REPS2: variants seen among roughly 807,000 people sequenced by gnomAD.
The protein encoded by REPS2 is ralBP1-associated Eps domain-containing protein 2.
REPS2 carries 23 observed loss-of-function variants against 53.6 expected under a neutral mutation model. The ratio of observed to expected loss-of-function variants is 0.43; its 90% CI spans 0.31 to 0.61. The LOEUF is 0.61. Ranked by LOEUF, REPS2 falls within the 20% of genes least tolerant of loss-of-function variation. The pLI is 0.11. For synonymous variants in REPS2, 238 were observed against 218.6 expected (o/e 1.09, Z -0.78); for missense variants, 446 against 534.9 (o/e 0.83, Z 1.64).
chrX:17,037,786 C>G (rs1287477374), intron 5 of REPS2, among the ~76,000 whole-genome samples: 1 of 112,442 alleles, frequency 8.9e-6, no homozygotes, highest in Non-Finnish European at 1.9e-5. Flanking sequence ...GCTTATTCCC[C>G]AGGACCTTTT....
chrX:17,140,740 ATTATTAT>A (rs2063432701), intron 17 of REPS2, among the ~76,000 whole-genome samples: 1 of 29,721 alleles, frequency 3.4e-5, no homozygotes, highest in Non-Finnish European at 8.0e-5. Flanking sequence ...CACAAATATT[ATTATTAT>A]TATTATTATT....
intron 3 of REPS2, 115 bp from the exon 4 acceptor site, chrX:17,024,944 C>T (rs181061027): frequency 6.9e-6 from 7 of 1,019,791 alleles, no homozygotes; most frequent in Non-Finnish European, 9.6e-6. Flanking sequence ...ACATTTCCCC[C>T]CATTTGTTAA....
Position 17,025,060 on chromosome X carries a change from A to G in REPS2, c.548A>G (p.Gln183Arg). Reference protein sequence around the residue: ...FKRMDDEDKQQETQSPTMSPL... With the variant: ...FKRMDDEDKQRETQSPTMSPL... ...GAACTCTGATCTGGTTCTTTGAAGCAGGAAACACAGTCTCCCACGATGTCA... is the reference window on the plus strand; with the variant it reads ...GAACTCTGATCTGGTTCTTTGAAGCGGGAAACACAGTCTCCCACGATGTCA... Residue 183 changes from glutamine to arginine, a missense_variant and splice_region_variant, in exon 4 of 18, where the codon CAG becomes CGG. By Grantham distance (43) the Gln-to-Arg change is conservative. Transcript: ENST00000357277. The G allele has an allele frequency of 8.3e-7, 1 of 1,212,102 alleles. No homozygotes were observed. The highest frequency in any genetic ancestry group is 1.1e-6 in the Non-Finnish European group (1 of 895,547).
chrX:17,020,345 A>G (rs2061556301), intron 2 of REPS2, among the ~76,000 whole-genome samples: 1 of 111,971 alleles, frequency 8.9e-6, no homozygotes, highest in Non-Finnish European at 1.9e-5. Flanking sequence ...TTATGGGTAG[A>G]TCAGGGTGCA....
At chrX:16,972,334 C>T (rs2060904833) in intron 1 of REPS2, among the ~76,000 whole-genome samples, 1 of 112,053 alleles carries the variant, frequency 8.9e-6, no homozygotes. Context: ...TTTAGGAAAA[C>T]CTTGAGCAGT....
intron 5 of REPS2, among the ~76,000 whole-genome samples, chrX:17,036,649 A>G (rs2061768764): frequency 9.0e-6 from 1 of 111,683 alleles, no homozygotes; most frequent in Non-Finnish European, 1.9e-5. Flanking sequence ...TCATGACAGT[A>G]AAGTTGAATT....
Position 17,052,437 on chromosome X carries a change from C to T in REPS2, c.963C>T (p.Ser321=). Residue 321 remains serine, a synonymous_variant, in exon 7 of 18, where the codon TCC becomes TCT. Coordinates refer to ENST00000357277, the MANE Select transcript of REPS2 (RefSeq NM_004726.3). ...TKSKLSIPEL[S]YIWELSDADC... Reference sequence around the variant, plus strand: ...CAAAGCTTTCCATTCCAGAACTCTCCTATATATGGTAAGTACAATTAATGC... The same window carrying T: ...CAAAGCTTTCCATTCCAGAACTCTCTTATATATGGTAAGTACAATTAATGC... 4.2e-6 allele frequency: 5 copies of T among 1,195,553 alleles called. No homozygotes were observed. Among genetic ancestry groups the T allele is most frequent in the Non-Finnish European group, 4.5e-6 (4 of 883,952 alleles).
chrX:17,022,434 C>A, intron 3 of REPS2, 163 bp downstream of exon 3: 1 of 417,148 alleles, frequency 2.4e-6, no homozygotes, highest in Non-Finnish European at 4.0e-6. Context: ...GAAAGAGAGA[C>A]CGACACATAT....
At chrX:16,968,464 C>T (rs1178886748) in intron 1 of REPS2, among the ~76,000 whole-genome samples, 9 of 107,273 alleles carry the variant, frequency 8.4e-5, no homozygotes, top group Non-Finnish European at 1.2e-4. Flanking sequence ...GCTGGCCGGG[C>T]GGGGGGCTGA....
At chrX:17,042,822 G>T (rs1369679486) in intron 5 of REPS2, among the ~76,000 whole-genome samples, 1 of 110,854 alleles carries the variant, frequency 9.0e-6, no homozygotes, top group Non-Finnish European at 1.9e-5. Flanking sequence ...TTGAGACAGG[G>T]TCTTGCTCTA....
the REPS2 span, among the ~76,000 whole-genome samples, chrX:17,177,745 C>G: frequency 8.9e-6 from 1 of 112,281 alleles, no homozygotes; most frequent in Non-Finnish European, 1.9e-5. Flanking sequence ...CGCTTGCTGC[C>G]TTAACCTGCT....
rs771775517 is a variant in REPS2 at position 16,969,262 on chromosome X, G to C, written c.273+22128G>C. Among the ~76,000 whole-genome samples the C allele has an allele frequency of 3.4e-3, 377 of 110,546 alleles. 1 individual carries two copies. Among genetic ancestry groups the C allele is most frequent in the African/African-American group, 0.012 (363 of 30,397 alleles). On this transcript the variant is annotated intron_variant, in intron 1 of 17. Transcript: ENST00000357277. ...CCAGACTGGGCAGCCAGGCAGAGGG[G>C]CTCCTCACATCCCAGACGATGGGTG... is the stretch of plus-strand genomic sequence containing the variant.
At chrX:17,015,386 CT>C (rs1006326903) in intron 2 of REPS2, among the ~76,000 whole-genome samples, 20 of 110,244 alleles carry the variant, frequency 1.8e-4, no homozygotes, top group African/African-American at 2.3e-4. Flanking sequence ...CAACCTTTTT[CT>C]TTTTTTTTCT....
intron 13 of REPS2, among the ~76,000 whole-genome samples, chrX:17,098,450 TCAAA>T (rs1350762469): frequency 1.8e-5 from 2 of 111,854 alleles, no homozygotes; most frequent in Non-Finnish European, 3.8e-5. Flanking sequence ...AAGTTTACAT[TCAAA>T]CAAAGTTTTC....
At chrX:16,982,402 A>C (rs1602586924) in intron 1 of REPS2, among the ~76,000 whole-genome samples, 1 of 112,238 alleles carries the variant, frequency 8.9e-6, no homozygotes, top group Non-Finnish European at 1.9e-5. Context: ...TTAATGTTGC[A>C]GAATCCCTGA....
chrX:17,124,345 C>G (rs2063179568), intron 14 of REPS2, among the ~76,000 whole-genome samples: 1 of 112,331 alleles, frequency 8.9e-6, no homozygotes, highest in South Asian at 3.7e-4. Flanking sequence ...AAGACAGATC[C>G]TGCCCTCCAG....
intron 14 of REPS2, among the ~76,000 whole-genome samples, chrX:17,132,238 G>A (rs757419699): frequency 8.9e-6 from 1 of 112,563 alleles, no homozygotes; most frequent in South Asian, 3.7e-4. Context: ...AACAGAGCAC[G>A]TGTCTTTCAA....
At chrX:17,142,818 G>A (rs958759560) in intron 17 of REPS2, among the ~76,000 whole-genome samples, 3 of 111,787 alleles carry the variant, frequency 2.7e-5, no homozygotes, top group African/African-American at 6.5e-5. Context: ...CACTAACCAT[G>A]TGACCCAGCT....
Position 17,022,152 on chromosome X carries a change from A to T in REPS2, c.427A>T (p.Lys143Ter), listed in dbSNP as rs1242430613. The change falls in exon 3 of 18, where the codon AAG becomes TAG. Residue 143 changes from lysine to a stop codon, truncating the protein, a stop_gained. Transcript: ENST00000357277. LOFTEE classifies it high-confidence loss of function. ...ELPLPRFMMS[K>*]NDGEIRFGNP... ...GCCTCTGCCTCGCTTTATGATGTCA[A>T]AGAATGATGGTGAGATACGATTTGG... 8.3e-7 allele frequency: 1 copy of T among 1,210,263 alleles called. No individual in the cohort carries two copies.
Sources: gnomAD v4.1 joint callset for allele counts (sites outside exome capture counted in the v4.1 genomes callset) on GRCh38, gnomAD v4.1.1 for gene constraint, MANE v1.5 for transcripts, NCBI Gene and HGNC (gene_info 2026-07-23, HGNC 2026-07-21) for gene names.